Variants in SETX observed in about 807,000 individuals in gnomAD.
SETX encodes senataxin.
A neutral mutation model predicts 227.2 loss-of-function variants in SETX; 90 were observed. The ratio of observed to expected loss-of-function variants is 0.40; its 90% CI spans 0.33 to 0.47. The LOEUF (loss-of-function observed/expected upper bound fraction) is 0.47. SETX is among the 20% of genes least tolerant of loss of function. SETX has a pLI of 0.91. For missense variants in SETX, 3,052 were observed against 3,181.5 expected, an observed-to-expected ratio of 0.96 and a Z score of 0.98; for synonymous variants, 1,210 against 1,113.2, an observed-to-expected ratio of 1.09 and a Z score of -1.73.
At chr9:132,330,523 T>C in intron 9 of SETX, 24 bp from the exon 10 acceptor site, 1 of 1,598,950 alleles carries the variant, frequency 6.3e-7, no homozygotes, top group South Asian at 1.1e-5. Context: ...AATGCTGATG[T>C]TCAGATAAAT....
chr9:132,282,020 A>T (rs1340285296), intron 19 of SETX, among the ~76,000 whole-genome samples: 12 of 57,806 alleles, frequency 2.1e-4, no homozygotes, highest in African/African-American at 4.8e-4. Context: ...CTCCGTCTCT[A>T]AAAAAAAAAA....
chr9:132,301,088 CTTTTTTTTTTTTT>C (rs200657740), intron 11 of SETX, among the ~76,000 whole-genome samples: 2 of 123,920 alleles, frequency 1.6e-5, no homozygotes, highest in Admixed American at 8.3e-5. Context: ...GTTTATTCTG[CTTTTTTTTTTTTT>C]TTTTTTTTTG....
intron 19 of SETX, chr9:132,282,960 T>A: frequency 2.5e-6 from 1 of 398,598 alleles, no homozygotes; most frequent in Admixed American, 3.7e-5. Flanking sequence ...CAAAATTATA[T>A]TAAAACTACT....
At position 132,329,756 on chromosome 9, in the gene SETX, G is replaced by C; in HGVS notation, c.1842C>G (p.Ile614Met). The C allele has an allele frequency of 6.2e-7, 1 of 1,614,118 alleles. No homozygotes were observed. Among genetic ancestry groups the C allele is most frequent in the South Asian group, 1.1e-5 (1 of 91,078 alleles). Residue 614 changes from isoleucine to methionine, a missense_variant, in exon 10 of 26, where the codon ATC (isoleucine) becomes ATG (methionine). This residue lies in a region of SETX where 1,483 missense variants were observed against 1,312.0 expected (regional missense o/e 1.13). Transcript: ENST00000224140. ...CTTCTTTATTATAAGATGCAGGAGAGATTTTACATGCAGAAGTCAGATCCA... is the reference window on the plus strand; with the variant it reads ...CTTCTTTATTATAAGATGCAGGAGACATTTTACATGCAGAAGTCAGATCCA... ...TFVDLTSACK[I>M]SPASYNKEES...
At chr9:132,294,539 G>A (rs898920637) in intron 15 of SETX, among the ~76,000 whole-genome samples, 1 of 152,200 alleles carries the variant, frequency 6.6e-6, no homozygotes, top group African/African-American at 2.4e-5. Context: ...TGAATTCTAC[G>A]TGTAGGTAAT....
Position 132,278,108 on chromosome 9 carries a change from A to T in SETX, c.6804T>A (p.Pro2268=), listed in dbSNP as rs145236863. Residue 2268 remains proline (P), a synonymous_variant, in exon 21 of 26, where the codon CCT becomes CCA. Transcript: ENST00000224140. Reference sequence around the variant, plus strand: ...AGTTTCTGTTATAAACATAATTAGAAGGGAAGAGGCATATGTCTGGATGCA... The same window carrying T: ...AGTTTCTGTTATAAACATAATTAGATGGGAAGAGGCATATGTCTGGATGCA... ...YRMHPDICLF[P]SNYVYNRNLK... 3.7e-5 allele frequency: 59 copies of T among 1,614,118 alleles called. No individual in the cohort carries two copies. In the East Asian group the frequency reaches 1.3e-3, roughly 35 times the overall value.
Position 132,349,445 on chromosome 9 carries a change from G to A in SETX, c.-7-10C>T, listed in dbSNP as rs1848490986. 6.2e-7 allele frequency: 1 copy of A among 1,614,028 alleles called. No homozygotes were observed. Among genetic ancestry groups the A allele is most frequent in the Non-Finnish European group, 8.5e-7 (1 of 1,179,996 alleles). On this transcript the variant is annotated splice_polypyrimidine_tract_variant and intron_variant, in intron 2 of 25. Coordinates refer to ENST00000224140, the MANE Select transcript of SETX (RefSeq NM_015046.7). ...TGTGCTCATTCTGTACCTACAGCCA[G>A]AAAAGATGACATCAAGAAGAAAACC... is the stretch of plus-strand genomic sequence containing the variant.
intron 20 of SETX, among the ~76,000 whole-genome samples, chr9:132,279,663 T>C (rs1843383201): frequency 6.6e-6 from 1 of 152,234 alleles, no homozygotes; most frequent in Non-Finnish European, 1.5e-5. Flanking sequence ...AATAGATACA[T>C]GCCAATTTTC....
intron 22 of SETX, among the ~76,000 whole-genome samples, chr9:132,276,554 A>G (rs1004392825): frequency 1.3e-5 from 2 of 152,036 alleles, no homozygotes; most frequent in Non-Finnish European, 2.9e-5. Context: ...CTACTCTCTC[A>G]CAAGAATCCC....
At position 132,349,209 on chromosome 9, in the gene SETX, G is replaced by C. The variant is rs932236427; in HGVS notation, c.177+43C>G. 3 of 1,570,122 alleles carry C rather than the reference G, an allele frequency of 1.9e-6. No individual in the cohort carries two copies. The African/African-American group carries it at 4.1e-5, about 21-fold the overall frequency. On this transcript the variant is annotated intron_variant, in intron 3 of 25. Coordinates refer to ENST00000224140, the MANE Select transcript of SETX (RefSeq NM_015046.7). ...GGAGTTCAAACTTACTCTCTTCCCA[G>C]CTATCAAGCTCTGAAAAATATTGCC... is the stretch of plus-strand genomic sequence containing the variant.
chr9:132,278,056 T>A lies in SETX; in HGVS notation c.6842+14A>T. 1 of 1,608,642 alleles carries A rather than the reference T, an allele frequency of 6.2e-7. No individual in the cohort carries two copies. Among genetic ancestry groups the A allele is most frequent in the Non-Finnish European group, 8.5e-7 (1 of 1,175,356 alleles). ...TACAACAAAATAAGGTCACAAACAATAAGGGGAACTCACCTATTTGTTTTT... is the reference window on the plus strand; with the variant it reads ...TACAACAAAATAAGGTCACAAACAAAAAGGGGAACTCACCTATTTGTTTTT... On this transcript the variant is annotated intron_variant, in intron 21 of 25. Transcript: ENST00000224140.
At chr9:132,271,873 T>C in intron 23 of SETX, 65 bp from the exon 24 acceptor site, 3 of 1,431,880 alleles carry the variant, frequency 2.1e-6, no homozygotes, top group Non-Finnish European at 1.9e-6. Flanking sequence ...TACATATTTA[T>C]AAACTAGTTT....
chr9:132,270,875 G>T (rs1344375285), intron 24 of SETX, among the ~76,000 whole-genome samples: 2 of 152,198 alleles, frequency 1.3e-5, no homozygotes, highest in Non-Finnish European at 2.9e-5. Flanking sequence ...GGAAAGAAAG[G>T]TCTATTTATA....
At chr9:132,265,904 C>G (rs952256546) in intron 25 of SETX, among the ~76,000 whole-genome samples, 2 of 152,148 alleles carry the variant, frequency 1.3e-5, no homozygotes, top group African/African-American at 4.8e-5. Flanking sequence ...TCCCAAACCC[C>G]GAATGGCTAA....
intron 10 of SETX, among the ~76,000 whole-genome samples, chr9:132,319,719 G>A (rs1846208023): frequency 6.6e-6 from 1 of 152,110 alleles, no homozygotes; most frequent in Admixed American, 6.5e-5. Context: ...TTCCTTCACA[G>A]AACTGATTAC....
rs192251335 is a variant in SETX, at chr9:132,303,925, C to A, written c.5375-3122G>T. ...TCACCTGAGATCAGAAGTTCGAGAC[C>A]AGCCTGCCCAACATGGTGAAACCCT... On this transcript the variant is annotated intron_variant, in intron 11 of 25. Transcript: ENST00000224140. Among the ~76,000 whole-genome samples the A allele has an allele frequency of 6.0e-4, 92 of 152,262 alleles. No individual in the cohort carries two copies. The Middle Eastern group carries it at 0.01, about 17-fold the overall frequency.
In SETX at chr9:132,275,351, CTTTCT is replaced by C. The variant is rs752650901; in HGVS notation, c.7000_7004del (p.Arg2334GlyfsTer3). The C allele has an allele frequency of 1.2e-6, 2 of 1,611,636 alleles. No individual in the cohort carries two copies. Among genetic ancestry groups the C allele is most frequent in the South Asian group, 1.1e-5 (1 of 90,982 alleles). Reference sequence around the variant, plus strand: ...TGCCAATGTTTCGAAAACTAACATCCTTTCTTTTGTCTTTAATAAGCTTAATTATT... The same window carrying C: ...TGCCAATGTTTCGAAAACTAACATCCTTTGTCTTTAATAAGCTTAATTATT... On this transcript the variant is annotated frameshift_variant, in exon 23 of 26. Coordinates refer to ENST00000224140, the MANE Select transcript of SETX (RefSeq NM_015046.7). LOFTEE classifies it high-confidence loss of function.
intron 3 of SETX, among the ~76,000 whole-genome samples, chr9:132,348,476 C>G (rs1333333312): frequency 6.6e-6 from 1 of 151,962 alleles, no homozygotes; most frequent in Non-Finnish European, 1.5e-5. Flanking sequence ...AAACAAATCC[C>G]CTCCCAATGA....
rs763712814 is a variant in SETX at position 132,328,476 on chromosome 9, A to G, written c.3122T>C (p.Leu1041Pro). The change falls in exon 10 of 26, where the codon CTT (leucine) becomes CCT (proline). Residue 1041 changes from leucine to proline, a missense_variant. Transcript: ENST00000224140. ...EKLTKQDKIC[L>P]EREHPEQHVS... ...GTGCTGCTCTGGATGTTCCCTCTCA[A>G]GGCATATTTTGTCCTGTTTAGTGAG... 19 of 1,613,728 alleles carry G rather than the reference A, an allele frequency of 1.2e-5. No individual in the cohort carries two copies. The South Asian group carries it at 2.1e-4, about 18-fold the overall frequency.
Sources: gnomAD v4.1 joint callset for allele counts (sites outside exome capture counted in the v4.1 genomes callset) on GRCh38, gnomAD v4.1.1 for gene constraint, gnomAD v4.1.1 regional missense constraint, MANE v1.5 for transcripts, NCBI Gene and HGNC (gene_info 2026-07-23, HGNC 2026-07-21) for gene names.